PTPRZ1: variants seen among roughly 807,000 people sequenced by gnomAD.
PTPRZ1 encodes the protein receptor-type tyrosine-protein phosphatase zeta.
PTPRZ1 carries 82 observed loss-of-function variants against 214.1 expected under a neutral mutation model. The ratio of observed to expected loss-of-function variants is 0.38; its 90% CI spans 0.32 to 0.46. PTPRZ1 has a LOEUF of 0.46. PTPRZ1 is among the 20% of genes least tolerant of loss of function. The pLI is 1.00. For missense variants in PTPRZ1, 2,603 were observed against 2,748.7 expected (o/e 0.95, Z 1.19); for synonymous variants, 945 against 987.9 (o/e 0.96, Z 0.81).
intron 2 of PTPRZ1, among the ~76,000 whole-genome samples, chr7:121,957,071 T>C (rs1796730939): frequency 6.6e-6 from 1 of 152,250 alleles, no homozygotes; most frequent in African/African-American, 2.4e-5. Context: ...TCGCTTGGCA[T>C]TTCCAGCACC....
intron 1 of PTPRZ1, among the ~76,000 whole-genome samples, chr7:121,884,010 T>C (rs1206080930): frequency 2.0e-5 from 3 of 152,218 alleles, no homozygotes; most frequent in Non-Finnish European, 4.4e-5. Flanking sequence ...AATTGGTAAA[T>C]TAATCAATTA....
intron 2 of PTPRZ1, among the ~76,000 whole-genome samples, chr7:121,959,271 G>C (rs1268989561): frequency 6.6e-6 from 1 of 152,172 alleles, no homozygotes; most frequent in Admixed American, 6.5e-5. Flanking sequence ...TTGCTGTCCT[G>C]ATGTGATTGT....
At position 121,938,526 on chromosome 7, in the gene PTPRZ1, C is replaced by G. The variant is rs1476609320; in HGVS notation, c.124+10305C>G. Among the ~76,000 whole-genome samples, 6 of 152,340 alleles carry G rather than the reference C, an allele frequency of 3.9e-5. No homozygotes were observed. In the East Asian group the frequency reaches 1.2e-3, roughly 29 times the overall value. On this transcript the variant is annotated intron_variant, in intron 2 of 29. Coordinates refer to ENST00000393386, the MANE Select transcript of PTPRZ1 (RefSeq NM_002851.3). ...GAGCCAGAGGCTCATGGAAGTTAAG[C>G]TCCTGCCTTCCCATAGAAATTGGGA...
At chr7:121,887,384 G>T (rs920785805) in intron 1 of PTPRZ1, among the ~76,000 whole-genome samples, 3 of 152,080 alleles carry the variant, frequency 2.0e-5, no homozygotes, top group Non-Finnish European at 2.9e-5. Flanking sequence ...GGCAGAGTAA[G>T]CAACTCGAGA....
rs1793932866 is a variant in PTPRZ1, at chr7:121,873,231, G to T, written c.-269G>T. 1 of 424,914 alleles carries T rather than the reference G, an allele frequency of 2.4e-6. No homozygotes were observed. The highest frequency in any genetic ancestry group is 4.2e-6 in the Non-Finnish European group (1 of 240,842). The allele number at this position is 424,914 out of a possible 1,614,324, so 26.3% of individuals were successfully genotyped here. On this transcript the variant is annotated 5_prime_UTR_variant, in exon 1 of 30. Transcript: ENST00000393386. ...CCGGAGGACATGCGCCTCGGCTAGC[G>T]GCCCCGGGCCCCACCACCGTGCGGC...
At chr7:122,000,882 C>T (rs536654453) in intron 10 of PTPRZ1, among the ~76,000 whole-genome samples, 1,558 of 151,402 alleles carry the variant, frequency 0.01, 26 homozygotes, top group African/African-American at 0.035. Flanking sequence ...GACGGGGTTT[C>T]ACCATGTGGG....
intron 10 of PTPRZ1, among the ~76,000 whole-genome samples, chr7:121,998,229 C>A (rs1798206389): frequency 6.6e-6 from 1 of 151,992 alleles, no homozygotes; most frequent in African/African-American, 2.4e-5. Flanking sequence ...TTGGAGTTTA[C>A]CATTTGTAAA....
intron 2 of PTPRZ1, among the ~76,000 whole-genome samples, chr7:121,938,232 A>G (rs1796143061): frequency 6.6e-6 from 1 of 152,216 alleles, no homozygotes; most frequent in Non-Finnish European, 1.5e-5. Flanking sequence ...ACCAGAATGT[A>G]ATACACATCA....
At chr7:121,951,593 GTTAAAAATGTC>G (rs1796543133) in intron 2 of PTPRZ1, among the ~76,000 whole-genome samples, 1 of 152,172 alleles carries the variant, frequency 6.6e-6, no homozygotes, top group Admixed American at 6.5e-5. Flanking sequence ...GTATTAATGA[GTTAAAAATGTC>G]TCAAACAGGT....
At chr7:121,984,974 T>A (rs1797722322) in intron 8 of PTPRZ1, among the ~76,000 whole-genome samples, 1 of 152,172 alleles carries the variant, frequency 6.6e-6, no homozygotes, top group Non-Finnish European at 1.5e-5. Flanking sequence ...CTCTTTGATA[T>A]CAGTCCTGCA....
At chr7:121,939,861 A>T (rs12055989) in intron 2 of PTPRZ1, among the ~76,000 whole-genome samples, 5,638 of 152,200 alleles carry the variant, frequency 0.037, 115 homozygotes, top group East Asian at 0.083. Context: ...GTGTTAATGT[A>T]AGGTACGGAA....
At chr7:122,031,370 A>G in intron 14 of PTPRZ1, 104 bp from the exon 15 acceptor site, 2 of 786,258 alleles carry the variant, frequency 2.5e-6, no homozygotes, top group Non-Finnish European at 4.3e-6. Context: ...TTTAGTTAGA[A>G]TTATACAAAT....
At position 122,036,614 on chromosome 7, in the gene PTPRZ1, G is replaced by T. The variant is rs1166092917; in HGVS notation, c.5299G>T (p.Val1767Phe). 6.2e-7 allele frequency: 1 copy of T among 1,602,882 alleles called. No individual in the cohort carries two copies. The highest frequency in any genetic ancestry group is 8.5e-7 in the Non-Finnish European group (1 of 1,169,952). Residue 1767 changes from valine to phenylalanine, a missense_variant, in exon 18 of 30, where the codon GTT (valine) becomes TTT (phenylalanine). This residue lies in a region of PTPRZ1 where 1,913 missense variants were observed against 1,914.3 expected (regional missense o/e 1.00). Transcript: ENST00000393386. Reference sequence around the variant, plus strand: ...TTATATTACAGATGATCATAGCAGGGTTAAGCTAGCACAGCTTGCTGAAAA... The same window carrying T: ...TTATATTACAGATGATCATAGCAGGTTTAAGCTAGCACAGCTTGCTGAAAA... ...INIVAYDHSR[V>F]KLAQLAEKDG...
chr7:121,898,631 A>T (rs143290271), intron 1 of PTPRZ1, among the ~76,000 whole-genome samples: 1 of 152,296 alleles, frequency 6.6e-6, no homozygotes, highest in East Asian at 1.9e-4. Context: ...ATTATCTTGA[A>T]TATGTTTCTT....
intron 1 of PTPRZ1, among the ~76,000 whole-genome samples, chr7:121,906,229 G>T (rs1385016360): frequency 6.6e-6 from 1 of 152,106 alleles, no homozygotes; most frequent in African/African-American, 2.4e-5. Context: ...GTTGACTAAA[G>T]ACTGTATCAA....
intron 12 of PTPRZ1, among the ~76,000 whole-genome samples, chr7:122,014,595 C>T (rs555769572): frequency 2.2e-4 from 33 of 152,172 alleles, no homozygotes; most frequent in South Asian, 1.0e-3. Flanking sequence ...CCCACCACCA[C>T]GCCAGGCTAA....
intron 2 of PTPRZ1, among the ~76,000 whole-genome samples, chr7:121,929,924 A>G (rs12706383): frequency 0.063 from 9,594 of 152,142 alleles, 359 homozygotes; most frequent in Non-Finnish European, 0.09. Flanking sequence ...CATATAAATG[A>G]CTACCCCACT....
At chr7:122,047,872 T>C (rs1792049965) in intron 23 of PTPRZ1, among the ~76,000 whole-genome samples, 2 of 152,078 alleles carry the variant, frequency 1.3e-5, no homozygotes, top group African/African-American at 2.4e-5. Context: ...CCAGATGGTT[T>C]CGAACTCCTG....
intron 22 of PTPRZ1, among the ~76,000 whole-genome samples, chr7:122,044,202 A>G (rs545621599): frequency 1.5e-4 from 23 of 152,280 alleles, no homozygotes; most frequent in African/African-American, 5.1e-4. Flanking sequence ...CCAACAATAC[A>G]TAATAAATGA....
Sources: allele counts gnomAD v4.1 joint callset (sites outside exome capture counted in the v4.1 genomes callset), GRCh38; gene constraint gnomAD v4.1.1; regional missense constraint gnomAD v4.1.1; transcripts MANE v1.5; gene names NCBI Gene and HGNC (gene_info 2026-07-23, HGNC 2026-07-21).